The following POC1A variants were observed in gnomAD, a reference collection of about 807,000 sequenced individuals.
POC1A encodes the protein POC1 centriolar protein A, also known as POC1 centriolar protein homolog A.
Under a neutral mutation model 47.8 loss-of-function variants are expected in POC1A, and 34 were observed. The observed-to-expected ratio is 0.71, with a 90% confidence interval of 0.54 to 0.95. POC1A has a LOEUF of 0.95. Among genes scored for constraint, POC1A ranks in the 40% least tolerant of loss-of-function variants. The pLI is 0.00. For missense variants in POC1A, 466 were observed against 528.3 expected (o/e 0.88, Z 1.16); for synonymous variants, 177 against 207.6 (o/e 0.85, Z 1.27).
intron 10 of POC1A, among the ~76,000 whole-genome samples, chr3:52,092,833 T>C (rs1354241225): frequency 6.6e-6 from 1 of 152,254 alleles, no homozygotes; most frequent in Non-Finnish European, 1.5e-5. Flanking sequence ...GGGTTTCTGA[T>C]GCTGTGCAAG....
At chr3:52,135,466 C>A (rs940782884) in intron 7 of POC1A, among the ~76,000 whole-genome samples, 5 of 152,184 alleles carry the variant, frequency 3.3e-5, no homozygotes, top group Non-Finnish European at 7.3e-5. Flanking sequence ...TCACTGCAGC[C>A]CCAGCTTCCC....
intron 6 of POC1A, 152 bp from the exon 7 acceptor site, chr3:52,138,454 A>C: frequency 1.3e-6 from 1 of 779,802 alleles, no homozygotes; most frequent in Non-Finnish European, 2.1e-6. Flanking sequence ...TGGGGAACCC[A>C]ACAAGGATTT....
chr3:52,091,573 CTCCT>C (rs1702649388), intron 10 of POC1A, among the ~76,000 whole-genome samples: 2 of 152,316 alleles, frequency 1.3e-5, no homozygotes, highest in South Asian at 4.1e-4. Flanking sequence ...CTGTGCCCTC[CTCCT>C]TCCCGGGGTT....
intron 10 of POC1A, among the ~76,000 whole-genome samples, chr3:52,094,848 C>T (rs2106966944): frequency 2.0e-5 from 3 of 152,318 alleles, no homozygotes; most frequent in Middle Eastern, 6.8e-3. Context: ...AGCATTGAGA[C>T]ATCTAGACAC....
intron 10 of POC1A, among the ~76,000 whole-genome samples, chr3:52,076,229 C>T (rs1257942859): frequency 1.3e-5 from 2 of 152,130 alleles, no homozygotes; most frequent in African/African-American, 4.8e-5. Flanking sequence ...GGTGGGGACA[C>T]AGTGAGGGAA....
intron 9 of POC1A, among the ~76,000 whole-genome samples, chr3:52,115,960 A>G (rs189438659): frequency 1.3e-3 from 197 of 152,302 alleles, no homozygotes; most frequent in African/African-American, 4.5e-3. Context: ...AAAAGCCCAG[A>G]CTTCACCCCT....
Position 52,096,711 on chromosome 3 carries a change from G to C in POC1A, c.983C>G (p.Pro328Arg), listed in dbSNP as rs201311275. 8 of 1,577,660 alleles carry C rather than the reference G, an allele frequency of 5.1e-6. No homozygotes were observed. The highest frequency in any genetic ancestry group is 6.9e-6 in the Non-Finnish European group (8 of 1,167,150). Residue 328 changes from proline (P) to arginine (R), a missense_variant and splice_region_variant, in exon 10 of 11, where the codon CCA (proline) becomes CGA (arginine). Physicochemically the swap from Pro to Arg is moderately radical, Grantham distance 103 (BLOSUM62 -2). Transcript: ENST00000296484. ...ATLASSMGNL[P>R]EVDFPVPPGR... Reference sequence around the variant, plus strand: ...TGGGGGGACAGGGAAGTCCACTTCTGGCTAAAGACAGAAAGAAAAAAGTTC... The same window carrying C: ...TGGGGGGACAGGGAAGTCCACTTCTCGCTAAAGACAGAAAGAAAAAAGTTC...
At chr3:52,111,907 G>A (rs775242762) in intron 9 of POC1A, among the ~76,000 whole-genome samples, 1 of 152,116 alleles carries the variant, frequency 6.6e-6, no homozygotes, top group Non-Finnish European at 1.5e-5. Context: ...CAGGTGGCCT[G>A]GAGAACACAG....
intron 10 of POC1A, among the ~76,000 whole-genome samples, chr3:52,083,687 C>T (rs767176628): frequency 1.3e-5 from 2 of 152,182 alleles, no homozygotes; most frequent in Non-Finnish European, 2.9e-5. Context: ...GAAACAGGAG[C>T]AGAGTGTGTG....
intron 1 of POC1A, among the ~76,000 whole-genome samples, chr3:52,152,978 A>C (rs1304296989): frequency 6.6e-6 from 1 of 152,252 alleles, no homozygotes; most frequent in African/African-American, 2.4e-5. Context: ...GACAGAAAGT[A>C]TTAATATATT....
chr3:52,113,951 C>A (rs769689764), intron 9 of POC1A, among the ~76,000 whole-genome samples: 8 of 152,206 alleles, frequency 5.3e-5, no homozygotes, highest in Non-Finnish European at 1.0e-4. Context: ...GCAGGAAGGT[C>A]TTTTGCAGAG....
intron 6 of POC1A, among the ~76,000 whole-genome samples, chr3:52,140,541 C>T (rs1329845134): frequency 6.6e-6 from 1 of 152,160 alleles, no homozygotes. Context: ...ACCAGGGGCC[C>T]CCACCTGGTC....
At chr3:52,129,196 T>G (rs1298295177) in intron 7 of POC1A, among the ~76,000 whole-genome samples, 1 of 152,120 alleles carries the variant, frequency 6.6e-6, no homozygotes, top group Non-Finnish European at 1.5e-5. Flanking sequence ...GGAGAATCGC[T>G]TAAACCCAGG....
At chr3:52,147,194 T>G in intron 4 of POC1A, 99 bp from the exon 5 acceptor site, 1 of 931,204 alleles carries the variant, frequency 1.1e-6, no homozygotes, top group South Asian at 1.4e-5. Context: ...GCCTACTATC[T>G]GCCTGCAGGA....
At chr3:52,118,245 ATCCT>A (rs1703644923) in intron 9 of POC1A, among the ~76,000 whole-genome samples, 1 of 152,114 alleles carries the variant, frequency 6.6e-6, no homozygotes, top group South Asian at 2.1e-4. Flanking sequence ...ATGGCCTGGA[ATCCT>A]TCATCTGCAA....
intron 8 of POC1A, 84 bp downstream of exon 8, chr3:52,125,029 T>C: frequency 9.4e-7 from 1 of 1,063,870 alleles, no homozygotes; most frequent in Admixed American, 2.2e-5. Context: ...ACCCAGCCCA[T>C]CCCCCAAACA....
chr3:52,110,182 G>A (rs1390150627), intron 9 of POC1A, among the ~76,000 whole-genome samples: 1 of 152,192 alleles, frequency 6.6e-6, no homozygotes, highest in Non-Finnish European at 1.5e-5. Context: ...CACATACTGA[G>A]CACCATGGCA....
intron 9 of POC1A, among the ~76,000 whole-genome samples, chr3:52,106,980 G>C (rs564489581): frequency 1.3e-5 from 2 of 152,372 alleles, no homozygotes; most frequent in East Asian, 1.9e-4. Flanking sequence ...TTTGGTGTCC[G>C]ACATGCCCCC....
At chr3:52,128,998 G>A (rs879270402) in intron 7 of POC1A, among the ~76,000 whole-genome samples, 8 of 152,132 alleles carry the variant, frequency 5.3e-5, no homozygotes, top group Non-Finnish European at 8.8e-5. Flanking sequence ...AGAATTTCCA[G>A]GCTGGGCATG....
Sources: allele counts gnomAD v4.1 joint callset (sites outside exome capture counted in the v4.1 genomes callset), GRCh38; gene constraint gnomAD v4.1.1; transcripts MANE v1.5; gene names NCBI Gene and HGNC (gene_info 2026-07-23, HGNC 2026-07-21).